HBM: variants seen among roughly 807,000 people sequenced by gnomAD.
HBM encodes alpha globin pseudogene 2.
A neutral mutation model predicts 12.8 loss-of-function variants in HBM; 9 were observed. The ratio of observed to expected loss-of-function variants is 0.70; its 90% confidence interval spans 0.42 to 1.23. The LOEUF (loss-of-function observed/expected upper bound fraction) is 1.23, where lower values mean the gene tolerates loss of function less well. Ranked by LOEUF, HBM falls within the 50% of genes most tolerant of loss-of-function variation. HBM has a pLI of 0.00. For missense variants in HBM, 214 were observed against 195.4 expected (o/e 1.10, Z -0.57); for synonymous variants, 100 against 92.0 (o/e 1.09, Z -0.50).
chr16:166,179 G>T, intron 1 of HBM, 89 bp from the exon 2 acceptor site: 2 of 1,397,396 alleles, frequency 1.4e-6, no homozygotes, highest in Non-Finnish European at 1.9e-6. Context: ...AGGTCCTTCG[G>T]GTGCGGATCC....
Position 166,472 on chromosome 16 carries a change from G to C in HBM, c.297G>C (p.Pro99=). 1.3e-6 allele frequency: 2 copies of C among 1,552,160 alleles called. No homozygotes were observed. Among genetic ancestry groups the C allele is most frequent in the Non-Finnish European group, 1.7e-6 (2 of 1,153,078 alleles). The change falls in exon 2 of 3, where the codon CCG becomes CCC. Residue 99 remains proline, a splice_region_variant and synonymous_variant. Transcript: ENST00000356815. ...TGCGCGTGGACCCAGCCAACTTTCC[G>C]GTGAGGCCTTTCCGGCCGGGGCAAT... ...LVLRVDPANF[P]LLIQCFHVVL...
At position 166,597 on chromosome 16, in the gene HBM, C is replaced by A; in HGVS notation, c.315C>A (p.Phe105Leu). ...PANFPLLIQC[F>L]HVVLASHLQD... ...TCCTGCAGCTGCTAATCCAGTGTTT[C>A]CACGTCGTGCTGGCCTCCCACCTGC... The change falls in exon 3 of 3, where the codon TTC (phenylalanine) becomes TTA (leucine). Residue 105 changes from phenylalanine (F) to leucine (L), a missense_variant. Phe to Leu is a conservative substitution (Grantham distance 22, BLOSUM62 0). Transcript: ENST00000356815. 2 of 1,613,760 alleles carry A rather than the reference C, an allele frequency of 1.2e-6. No individual in the cohort carries two copies. Among genetic ancestry groups the A allele is most frequent in the Non-Finnish European group, 1.7e-6 (2 of 1,179,888 alleles).
rs1295124923 is a variant in HBM at position 166,429 on chromosome 16, A to T, written c.254A>T (p.Asp85Val). The T allele has an allele frequency of 1.3e-6, 2 of 1,550,150 alleles. No homozygotes were observed. Among genetic ancestry groups the T allele is most frequent in the East Asian group, 4.8e-5 (2 of 41,876 alleles). Residue 85 changes from aspartate (D) to valine (V), a missense_variant, in exon 2 of 3, where the codon GAC (aspartate) becomes GTC (valine). By Grantham distance (152) the Asp-to-Val change is radical. Coordinates refer to ENST00000356815, the MANE Select transcript of HBM (RefSeq NM_001003938.4). ...NLRAALSPLADLHALVLRVDP... is the reference protein window; with the variant it reads ...NLRAALSPLAVLHALVLRVDP... The stretch of plus-strand genomic sequence containing the variant: ...CGCGCCGCGCTGAGCCCGCTGGCGG[A>T]CCTGCACGCGCTCGTGCTGCGCGTG...
chr16:166,554 C>G, intron 2 of HBM, 26 bp from the exon 3 acceptor site: 1 of 1,608,962 alleles, frequency 6.2e-7, no homozygotes, highest in Non-Finnish European at 8.5e-7. Context: ...GGGCAGACCC[C>G]GTCTCACCGG....
intron 1 of HBM, 81 bp downstream of exon 1, chr16:166,170 G>C (rs914408146): frequency 5.6e-6 from 8 of 1,435,736 alleles, no homozygotes; most frequent in Admixed American, 2.1e-5. Flanking sequence ...CGCCATCCAA[G>C]GTCCTTCGGG....
chr16:166,667 C>A lies in HBM; in HGVS notation c.385C>A (p.Leu129Met). The change falls in exon 3 of 3, where the codon CTG becomes ATG. Residue 129 changes from leucine to methionine, a missense_variant. Transcript: ENST00000356815. ...AATGCAAGCGGCGTGGGACAAGTTC[C>A]TGACTGGTGTGGCCGTGGTGCTGAC... Reference protein sequence around the residue: ...VQMQAAWDKFLTGVAVVLTEK... With the variant: ...VQMQAAWDKFMTGVAVVLTEK... 1 of 1,614,154 alleles carries A rather than the reference C, an allele frequency of 6.2e-7. No individual in the cohort carries two copies. Among genetic ancestry groups the A allele is most frequent in the Non-Finnish European group, 8.5e-7 (1 of 1,180,006 alleles).
Position 166,088 on chromosome 16 carries a change from A to C in HBM, c.91A>C (p.Arg31=). Residue 31 remains arginine (R), a splice_region_variant and synonymous_variant, in exon 1 of 3, where the codon AGG becomes CGG. Transcript: ENST00000356815. Reference sequence around the variant, plus strand: ...GCAATTCGGGGCGGAGCTGCTGCTCAGGTCGGTAGAGGCGGGGTCTCCGGG... The same window carrying C: ...GCAATTCGGGGCGGAGCTGCTGCTCCGGTCGGTAGAGGCGGGGTCTCCGGG... ...EAQFGAELLL[R]LFTVYPSTKV... 6.3e-7 allele frequency: 1 copy of C among 1,598,032 alleles called. No individual in the cohort carries two copies. The highest frequency in any genetic ancestry group is 8.5e-7 in the Non-Finnish European group (1 of 1,171,528).
chr16:166,568 C>G lies in HBM; in HGVS notation c.298-12C>G, dbSNP rs1454633790. 6.2e-7 allele frequency: 1 copy of G among 1,611,750 alleles called. No homozygotes were observed. Among genetic ancestry groups the G allele is most frequent in the Non-Finnish European group, 8.5e-7 (1 of 1,179,192 alleles). On this transcript the variant is annotated splice_polypyrimidine_tract_variant and intron_variant, in intron 2 of 2. Transcript: ENST00000356815. ...GGGGCAGACCCCGTCTCACCGGCCC[C>G]TTCTCCTGCAGCTGCTAATCCAGTG...
chr16:166,725 G>A lies in HBM; in HGVS notation c.*17G>A. 6.2e-7 allele frequency: 1 copy of A among 1,613,312 alleles called. No individual in the cohort carries two copies. Among genetic ancestry groups the A allele is most frequent in the Middle Eastern group, 1.6e-4 (1 of 6,062 alleles). ...TACCGCTGAGCCCTGTGCTGCGCAG[G>A]CCTTGGTCTGTGCCTGTCAATAAAC... On this transcript the variant is annotated 3_prime_UTR_variant, in exon 3 of 3. Transcript: ENST00000356815.
Position 166,731 on chromosome 16 carries a change from G to T in HBM, c.*23G>T. 6.2e-7 allele frequency: 1 copy of T among 1,612,728 alleles called. No individual in the cohort carries two copies. Among genetic ancestry groups the T allele is most frequent in the East Asian group, 2.2e-5 (1 of 44,800 alleles). ...TGAGCCCTGTGCTGCGCAGGCCTTG[G>T]TCTGTGCCTGTCAATAAACAGAGGC... On this transcript the variant is annotated 3_prime_UTR_variant, in exon 3 of 3. Transcript: ENST00000356815.
At chr16:166,222 C>G (rs1165158855) in intron 1 of HBM, 46 bp from the exon 2 acceptor site, 2 of 1,510,448 alleles carry the variant, frequency 1.3e-6, no homozygotes, top group African/African-American at 2.7e-5. Context: ...GCTAGTGAAG[C>G]CCCACGCAGC....
rs771606157 is a variant in HBM at position 166,072 on chromosome 16, G to C, written c.75G>C (p.Gly25=). The C allele has an allele frequency of 3.1e-6, 5 of 1,603,688 alleles. No homozygotes were observed. In the African/African-American group the frequency reaches 4.0e-5, roughly 13 times the overall value. ...DLIAGHEAQF[G]AELLLRLFTV... ...TTGCGGGCCACGAGGCGCAATTCGG[G>C]GCGGAGCTGCTGCTCAGGTCGGTAG... Residue 25 remains glycine (G), a synonymous_variant, in exon 1 of 3, where the codon GGG becomes GGC. Coordinates refer to ENST00000356815, the MANE Select transcript of HBM (RefSeq NM_001003938.4).
rs778893345 is a variant in HBM at position 166,648 on chromosome 16, A to G, written c.366A>G (p.Gln122=). 6.2e-7 allele frequency: 1 copy of G among 1,614,028 alleles called. No homozygotes were observed. Among genetic ancestry groups the G allele is most frequent in the Non-Finnish European group, 8.5e-7 (1 of 1,180,018 alleles). The change falls in exon 3 of 3, where the codon CAA becomes CAG. Residue 122 remains glutamine (Q), a synonymous_variant. Coordinates refer to ENST00000356815, the MANE Select transcript of HBM (RefSeq NM_001003938.4). ...HLQDEFTVQM[Q]AAWDKFLTGV... ...AGGACGAGTTCACCGTGCAAATGCA[A>G]GCGGCGTGGGACAAGTTCCTGACTG...
At position 166,521 on chromosome 16, in the gene HBM, G is replaced by A. The variant is rs1287053375; in HGVS notation, c.297+49G>A. 5 of 1,582,142 alleles carry A rather than the reference G, an allele frequency of 3.2e-6. No individual in the cohort carries two copies. The East Asian group carries it at 6.9e-5, about 22-fold the overall frequency. ...ATGGTGCAGCGCGCAGCCGGGGTGG[G>A]GGGGCTCTGGGGGTCCCTAGCGGGG... On this transcript the variant is annotated intron_variant, in intron 2 of 2. Coordinates refer to ENST00000356815, the MANE Select transcript of HBM (RefSeq NM_001003938.4).
At chr16:166,233 C>T (rs751658843) in intron 1 of HBM, 35 bp from the exon 2 acceptor site, 2 of 1,549,898 alleles carry the variant, frequency 1.3e-6, no homozygotes, top group Admixed American at 3.6e-5. Context: ...CCCACGCAGC[C>T]GCCCTCCTCC....
At chr16:166,518 T>TG (rs770468517) in intron 2 of HBM, 46 bp downstream of exon 2, 28 of 1,413,808 alleles carry the variant, frequency 2.0e-5, no homozygotes, top group African/African-American at 2.9e-5. Context: ...GCAGCCGGGG[T>TG]GGGGGGGCTC....
rs776569174 is a variant in HBM at position 166,660 on chromosome 16, C to A, written c.378C>A (p.Asp126Glu). 1.2e-6 allele frequency: 2 copies of A among 1,614,170 alleles called. No homozygotes were observed. The highest frequency in any genetic ancestry group is 8.5e-7 in the Non-Finnish European group (1 of 1,180,006). The change falls in exon 3 of 3, where the codon GAC becomes GAA. Residue 126 changes from aspartate (D) to glutamate (E), a missense_variant. Physicochemically the swap from Asp to Glu is conservative, Grantham distance 45. Transcript: ENST00000356815. Reference sequence around the variant, plus strand: ...CCGTGCAAATGCAAGCGGCGTGGGACAAGTTCCTGACTGGTGTGGCCGTGG... The same window carrying A: ...CCGTGCAAATGCAAGCGGCGTGGGAAAAGTTCCTGACTGGTGTGGCCGTGG... The part of the protein sequence containing the change: ...EFTVQMQAAW[D>E]KFLTGVAVVL...
chr16:166,490 G>A lies in HBM; in HGVS notation c.297+18G>A, dbSNP rs1901915097. ...ACTTTCCGGTGAGGCCTTTCCGGCC[G>A]GGGCAATGGTGCAGCGCGCAGCCGG... is the stretch of plus-strand genomic sequence containing the variant. On this transcript the variant is annotated intron_variant, in intron 2 of 2. Transcript: ENST00000356815. 2 of 1,557,678 alleles carry A rather than the reference G, an allele frequency of 1.3e-6. No homozygotes were observed. The highest frequency in any genetic ancestry group is 2.4e-5 in the East Asian group (1 of 42,076).
At position 166,457 on chromosome 16, in the gene HBM, C is replaced by T. The variant is rs776444946; in HGVS notation, c.282C>T (p.Asp94=). The change falls in exon 2 of 3, where the codon GAC becomes GAT. Residue 94 remains aspartate, a synonymous_variant. Transcript: ENST00000356815. ...TGCACGCGCTCGTGCTGCGCGTGGACCCAGCCAACTTTCCGGTGAGGCCTT... is the reference window on the plus strand; with the variant it reads ...TGCACGCGCTCGTGCTGCGCGTGGATCCAGCCAACTTTCCGGTGAGGCCTT... ...ADLHALVLRV[D]PANFPLLIQC... is the part of the protein sequence containing the mutation. 2 of 1,549,656 alleles carry T rather than the reference C, an allele frequency of 1.3e-6. No individual in the cohort carries two copies. The highest frequency in any genetic ancestry group is 2.4e-5 in the East Asian group (1 of 41,742).
Sources: allele counts gnomAD v4.1 joint callset, GRCh38; gene constraint gnomAD v4.1.1; transcripts MANE v1.5; gene names NCBI Gene and HGNC (gene_info 2026-07-23, HGNC 2026-07-21).